Variants in FN1 observed in about 807,000 individuals in gnomAD.
FN1 encodes fibronectin 1.
In FN1, 106 loss-of-function variants were observed where a neutral mutation model predicts 297.3. The ratio of observed to expected loss-of-function variants is 0.36; its 90% CI spans 0.30 to 0.42. The LOEUF is 0.42. FN1 is among the 10% of genes least tolerant of loss of function. FN1 has a pLI of 1.00. For synonymous variants in FN1, 1,149 were observed against 1,152.6 expected (o/e 1.00, Z 0.06); for missense variants, 2,690 against 3,124.9 (o/e 0.86, Z 3.32).
intron 13 of FN1, chr2:215,414,614 C>G (rs571914623): frequency 1.7e-4 from 191 of 1,097,068 alleles, no homozygotes; most frequent in Non-Finnish European, 2.2e-4. Flanking sequence ...AAATACCAGC[C>G]CCCCCACCGC....
chr2:215,380,985 T>C lies in FN1; in HGVS notation c.5260A>G (p.Arg1754Gly), dbSNP rs1341981991. Residue 1754 changes from arginine (R) to glycine (G), a missense_variant, in exon 33 of 46, where the codon AGG (arginine) becomes GGG (glycine). Transcript: ENST00000354785. ...ESPQGQVSRY[R>G]VTYSSPEDGI... ...TCCTCAGGGCTCGAGTAGGTCACCCTGTACCTGGAAACTTGCCCCTGTGGG... is the reference window on the plus strand; with the variant it reads ...TCCTCAGGGCTCGAGTAGGTCACCCCGTACCTGGAAACTTGCCCCTGTGGG... The C allele has an allele frequency of 6.2e-7, 1 of 1,614,118 alleles. No individual in the cohort carries two copies. Among genetic ancestry groups the C allele is most frequent in the African/African-American group, 1.3e-5 (1 of 74,948 alleles).
rs780035728 is a variant in FN1, at chr2:215,379,155, G to GAA, written c.5596_5597insTT (p.Ser1866PhefsTer17). Reference sequence around the variant, plus strand: ...CATAAGTCCTGATACAACCACGGATGAGCTGTCAGGAGCAAGGTTGATTTC... The same window carrying GAA: ...CATAAGTCCTGATACAACCACGGATGAAAGCTGTCAGGAGCAAGGTTGATTTC... On this transcript the variant is annotated frameshift_variant, in exon 34 of 46. Coordinates refer to ENST00000354785, the MANE Select transcript of FN1 (RefSeq NM_212482.4). LOFTEE classifies it high-confidence loss of function. The GAA allele has an allele frequency of 3.7e-6, 6 of 1,613,974 alleles. No individual in the cohort carries two copies. The highest frequency in any genetic ancestry group is 1.3e-5 in the African/African-American group (1 of 74,908).
At chr2:215,389,127 G>A (rs560078293) in intron 26 of FN1, among the ~76,000 whole-genome samples, 3 of 151,376 alleles carry the variant, frequency 2.0e-5, no homozygotes, top group African/African-American at 4.9e-5. Flanking sequence ...TCTTTTTGAC[G>A]AGGTTTTACT....
intron 21 of FN1, 111 bp from the exon 22 acceptor site, chr2:215,397,959 C>T: frequency 1.1e-6 from 1 of 931,326 alleles, no homozygotes; most frequent in Non-Finnish European, 1.7e-6. Flanking sequence ...AGAAACTGCA[C>T]AGTGTACTTT....
chr2:215,374,982 CAT>C (rs1055142042), intron 38 of FN1, among the ~76,000 whole-genome samples: 1 of 152,212 alleles, frequency 6.6e-6, no homozygotes, highest in African/African-American at 2.4e-5. Context: ...GAAAGGAAAA[CAT>C]GAGTCTAGTC....
In FN1 at chr2:215,411,788, T is replaced by A. The variant is rs1260413999; in HGVS notation, c.1942-1674A>T. ...TTCAAGCGATTCTCCTGCCTCAGCT[T>A]CCCGAGTAGCTGGGATTACAGGTAT... On this transcript the variant is annotated intron_variant, in intron 13 of 45. Coordinates refer to ENST00000354785, the MANE Select transcript of FN1 (RefSeq NM_212482.4). Among the ~76,000 whole-genome samples, 3 of 152,020 alleles carry A rather than the reference T, an allele frequency of 2.0e-5. No individual in the cohort carries two copies. The East Asian group carries it at 5.8e-4, about 29-fold the overall frequency.
rs760580867 is a variant in FN1, at chr2:215,408,148, T to G, written c.2478A>C (p.Ser826=). 3 of 1,613,994 alleles carry G rather than the reference T, an allele frequency of 1.9e-6. No homozygotes were observed. The highest frequency in any genetic ancestry group is 2.5e-6 in the Non-Finnish European group (3 of 1,180,040). ...DTTVDQVDDT[S]IVVRWSRPQA... is the part of the protein sequence containing the mutation. ...GGGGTCTGCTCCAGCGAACAACAAT[T>G]GAGGTGTCATCAACTTGGTCCACAG... The change falls in exon 17 of 46, where the codon TCA becomes TCC. Residue 826 remains serine (S), a synonymous_variant. Coordinates refer to ENST00000354785, the MANE Select transcript of FN1 (RefSeq NM_212482.4).
chr2:215,420,701 A>T lies in FN1; in HGVS notation c.1647T>A (p.Gly549=), dbSNP rs752785178. Residue 549 remains glycine (G), a synonymous_variant, in exon 11 of 46, where the codon GGT becomes GGA. Transcript: ENST00000354785. ...HMLNCTCFGQ[G]RGRWKCDPVD... ...CGGGATCACACTTCCACCTGCCCCG[A>T]CCCTGACCGAAGCATGTACAGTTCA... The T allele has an allele frequency of 6.2e-7, 1 of 1,614,088 alleles. No homozygotes were observed. The highest frequency in any genetic ancestry group is 1.1e-5 in the South Asian group (1 of 91,072).
chr2:215,372,742 A>G (rs1339708101), intron 39 of FN1, among the ~76,000 whole-genome samples: 1 of 152,200 alleles, frequency 6.6e-6, no homozygotes, highest in African/African-American at 2.4e-5. Flanking sequence ...TAGGAAGTAG[A>G]ATCCAGACTA....
intron 43 of FN1, 35 bp downstream of exon 43, chr2:215,365,470 T>A: frequency 6.2e-7 from 1 of 1,609,120 alleles, no homozygotes; most frequent in Non-Finnish European, 8.5e-7. Context: ...TGAGAATGCT[T>A]AATAAGGCAC....
At chr2:215,384,834 T>A in intron 29 of FN1, 26 bp downstream of exon 29, 2 of 1,377,452 alleles carry the variant, frequency 1.5e-6, no homozygotes, top group Non-Finnish European at 2.1e-6. Flanking sequence ...TTAATCAGAG[T>A]GTAAAATAGC....
chr2:215,425,402 G>T, intron 6 of FN1, 117 bp from the exon 7 acceptor site: 1 of 1,046,352 alleles, frequency 9.6e-7, no homozygotes, highest in Non-Finnish European at 1.5e-6. Flanking sequence ...TGTCGCTACT[G>T]GCCTGGGACT....
chr2:215,408,762 G>C (rs1360185747), intron 15 of FN1, among the ~76,000 whole-genome samples: 3 of 152,016 alleles, frequency 2.0e-5, no homozygotes, highest in African/African-American at 7.3e-5. Flanking sequence ...TAGAGATGGA[G>C]GTTCACCATG....
At chr2:215,407,878 G>GGT (rs2061975678) in intron 17 of FN1, among the ~76,000 whole-genome samples, 1 of 151,606 alleles carries the variant, frequency 6.6e-6, no homozygotes, top group Admixed American at 6.6e-5. Context: ...TGTATGTTGT[G>GGT]GTGTGTGTGT....
rs1265793607 is a variant in FN1, at chr2:215,408,121, C to G, written c.2505G>C (p.Gln835His). The change falls in exon 17 of 46, where the codon CAG becomes CAC. Residue 835 changes from glutamine (Q) to histidine (H), a missense_variant. Gln to His is a conservative substitution (Grantham distance 24). Around this residue, in one of 3 missense-constraint regions of FN1, gnomAD observed 71 missense variants for 121.7 expected, o/e 0.58. Transcript: ENST00000354785. ...CGCTTAGCTGACCTGTGATGGGAGC[C>G]TGGGGTCTGCTCCAGCGAACAACAA... The part of the protein sequence containing the change: ...TSIVVRWSRP[Q>H]APITGYRIVY... 6.2e-7 allele frequency: 1 copy of G among 1,613,942 alleles called. No individual in the cohort carries two copies. Among genetic ancestry groups the G allele is most frequent in the Admixed American group, 1.7e-5 (1 of 59,998 alleles).
Position 215,392,944 on chromosome 2 carries a change from C to T in FN1, c.4056G>A (p.Leu1352=), listed in dbSNP as rs575426592. The T allele has an allele frequency of 1.7e-5, 27 of 1,612,616 alleles. 1 individual carries two copies. The South Asian group carries it at 3.0e-4, about 18-fold the overall frequency. ...INGGESAPTT[L]TQQTAVPPPT... Reference sequence around the variant, plus strand: ...TTCAAAATTCACCCGTTTGTTGTGTCAGTGTAGTAGGGGCACTCTCGCCGC... The same window carrying T: ...TTCAAAATTCACCCGTTTGTTGTGTTAGTGTAGTAGGGGCACTCTCGCCGC... The change falls in exon 25 of 46, where the codon CTG becomes CTA. Residue 1352 remains leucine (L), a synonymous_variant. Coordinates refer to ENST00000354785, the MANE Select transcript of FN1 (RefSeq NM_212482.4).
chr2:215,416,223 G>T (rs1373753526), intron 12 of FN1, among the ~76,000 whole-genome samples: 2 of 152,134 alleles, frequency 1.3e-5, no homozygotes, highest in Non-Finnish European at 2.9e-5. Context: ...TTCAAAGTTG[G>T]TTGAAGATTA....
chr2:215,375,313 T>A lies in FN1; in HGVS notation c.6058A>T (p.Arg2020Trp). Residue 2020 changes from arginine (R) to tryptophan (W), a missense_variant, in exon 38 of 46, where the codon AGG (arginine) becomes TGG (tryptophan). By Grantham distance (101) the Arg-to-Trp change is moderately radical (BLOSUM62 -3). Transcript: ENST00000354785. ...TACTTGATGATGTAGCCGGTAATCC[T>A]GGCACGTGGCGGCTGCCATGATACC... ...LLVSWQPPRA[R>W]ITGYIIKYEK... is the part of the protein sequence containing the mutation. 6.2e-7 allele frequency: 1 copy of A among 1,614,114 alleles called. No individual in the cohort carries two copies. Among genetic ancestry groups the A allele is most frequent in the Non-Finnish European group, 8.5e-7 (1 of 1,179,974 alleles).
intron 12 of FN1, among the ~76,000 whole-genome samples, chr2:215,417,635 G>A (rs1013518695): frequency 6.6e-6 from 1 of 152,272 alleles, no homozygotes; most frequent in South Asian, 2.1e-4. Context: ...CTAGGCCACG[G>A]AGCAAACCAG....
Sources: gnomAD v4.1 joint callset for allele counts (sites outside exome capture counted in the v4.1 genomes callset) on GRCh38, gnomAD v4.1.1 for gene constraint, gnomAD v4.1.1 regional missense constraint, MANE v1.5 for transcripts, NCBI Gene and HGNC (gene_info 2026-07-23, HGNC 2026-07-21) for gene names.